MAD1L1: variants seen among roughly 807,000 people sequenced by gnomAD.
The protein encoded by MAD1L1 is mitotic spindle assembly checkpoint protein MAD1.
In MAD1L1, 95 loss-of-function variants were observed where a neutral mutation model predicts 96.9. That is an observed-to-expected ratio of 0.98 (90% confidence interval 0.83 to 1.16). The LOEUF is 1.16. MAD1L1 is among the 50% of genes most tolerant of loss of function. The probability of loss-of-function intolerance (pLI) is 0.00; values close to 1 mark genes in which losing one functional copy is unlikely to be tolerated. For synonymous variants in MAD1L1, 473 were observed against 396.6 expected, an observed-to-expected ratio of 1.19 and a Z score of -2.29; for missense variants, 1,007 against 954.4, an observed-to-expected ratio of 1.06 and a Z score of -0.73.
chr7:2,063,601 G>C (rs886632555), intron 12 of MAD1L1, among the ~76,000 whole-genome samples: 1 of 152,222 alleles, frequency 6.6e-6, no homozygotes, highest in Non-Finnish European at 1.5e-5. Context: ...CATGCATCAG[G>C]TGTGTCTCCA....
chr7:2,203,022 G>A (rs1195743316), intron 10 of MAD1L1, among the ~76,000 whole-genome samples: 2 of 152,224 alleles, frequency 1.3e-5, no homozygotes, highest in Non-Finnish European at 2.9e-5. Context: ...AGCCAGCAAT[G>A]CCCGCCTCCC....
intron 10 of MAD1L1, among the ~76,000 whole-genome samples, chr7:2,191,691 A>C (rs2128606891): frequency 6.6e-6 from 1 of 152,244 alleles, no homozygotes; most frequent in Middle Eastern, 3.4e-3. Context: ...TGATTGTGCC[A>C]CTACACTCCA....
chr7:2,006,886 A>AC (rs1317156326), intron 13 of MAD1L1, among the ~76,000 whole-genome samples: 1 of 151,690 alleles, frequency 6.6e-6, no homozygotes, highest in African/African-American at 2.4e-5. Context: ...GCACAGACAC[A>AC]CCCCCCACCT....
intron 18 of MAD1L1, among the ~76,000 whole-genome samples, chr7:1,844,667 G>T (rs1000567940): frequency 2.6e-5 from 4 of 152,322 alleles, no homozygotes; most frequent in Admixed American, 6.5e-5. Context: ...CCAGGGCCCA[G>T]CACTCCTTTC....
intron 14 of MAD1L1, among the ~76,000 whole-genome samples, chr7:2,001,469 C>A (rs977976972): frequency 2.6e-5 from 4 of 152,262 alleles, no homozygotes; most frequent in Non-Finnish European, 5.9e-5. Context: ...CCTGCCTGGT[C>A]CCCCACGGGC....
At chr7:2,057,826 C>A (rs1055977375) in intron 12 of MAD1L1, among the ~76,000 whole-genome samples, 8 of 152,206 alleles carry the variant, frequency 5.3e-5, no homozygotes, top group Non-Finnish European at 1.2e-4. Context: ...GAGTATCACA[C>A]AGAACATCTA....
intron 18 of MAD1L1, among the ~76,000 whole-genome samples, chr7:1,877,910 A>C (rs892728024): frequency 4.6e-5 from 7 of 152,188 alleles, no homozygotes; most frequent in African/African-American, 1.4e-4. Context: ...ACAGATCTGA[A>C]AGGAGAGAGA....
At chr7:1,939,384 G>A (rs1778829899) in intron 16 of MAD1L1, among the ~76,000 whole-genome samples, 1 of 152,234 alleles carries the variant, frequency 6.6e-6, no homozygotes, top group Non-Finnish European at 1.5e-5. Flanking sequence ...ACACACACGG[G>A]CCAGGGCTCC....
chr7:1,846,174 G>C (rs2128636578), intron 18 of MAD1L1: 1 of 152,718 alleles, frequency 6.5e-6, no homozygotes, highest in Admixed American at 6.5e-5. Context: ...AACCTTCCAG[G>C]GCCAGTCTCC....
intron 18 of MAD1L1, among the ~76,000 whole-genome samples, chr7:1,822,727 ATTTT>A (rs146496198): frequency 3.0e-5 from 4 of 134,552 alleles, no homozygotes; most frequent in Non-Finnish European, 3.2e-5. Context: ...CCCGGCCAGC[ATTTT>A]TTTTTTTTTT....
Position 1,888,448 on chromosome 7 carries a change from G to C in MAD1L1, c.1998+9752C>G, listed in dbSNP as rs575855164. Among the ~76,000 whole-genome samples the C allele has an allele frequency of 5.7e-4, 80 of 141,370 alleles. 1 individual carries two copies. The highest frequency in any genetic ancestry group is 1.8e-3 in the African/African-American group (71 of 40,182). The allele number at this position is 141,370 out of a possible 152,430, so 92.7% of individuals were successfully genotyped here. The stretch of plus-strand genomic sequence containing the variant: ...CATGCATGTGGCTGCCTGTACATGT[G>C]TGTGCACGCATGTATGTGGCTGCCT... On this transcript the variant is annotated intron_variant, in intron 18 of 18. Coordinates refer to ENST00000265854, the MANE Select transcript of MAD1L1 (RefSeq NM_001013836.2).
Position 2,218,063 on chromosome 7 carries a change from T to TCA in MAD1L1, c.597-22_597-21dup. ...CATTTTCTATTGAAAGAAAAATACA[T>TCA]CACACACAGAAACAGGCATGCGGCA... On this transcript the variant is annotated intron_variant, in intron 6 of 18. Coordinates refer to ENST00000265854, the MANE Select transcript of MAD1L1 (RefSeq NM_001013836.2). 1 of 1,593,278 alleles carries TCA rather than the reference T, an allele frequency of 6.3e-7. No individual in the cohort carries two copies. Among genetic ancestry groups the TCA allele is most frequent in the Non-Finnish European group, 8.6e-7 (1 of 1,161,140 alleles).
rs74605141 is a variant in MAD1L1 at position 2,165,612 on chromosome 7, G to A, written c.987-16374C>T. On this transcript the variant is annotated intron_variant, in intron 10 of 18. Coordinates refer to ENST00000265854, the MANE Select transcript of MAD1L1 (RefSeq NM_001013836.2). ...TGGTCCAGGGGAGAGGGGACTCTGCGCCGTGTTTCACTAAACCAAGGTGGT... is the reference window on the plus strand; with the variant it reads ...TGGTCCAGGGGAGAGGGGACTCTGCACCGTGTTTCACTAAACCAAGGTGGT... 2.0e-4 allele frequency among the ~76,000 whole-genome samples: 27 copies of A among 137,298 alleles called. 1 individual carries two copies. The East Asian group carries it at 2.3e-3, about 12-fold the overall frequency. The allele number at this position is 137,298 out of a possible 152,430, so 90.1% of individuals were successfully genotyped here. A position where few individuals can be genotyped will look rare whatever the true frequency, so the allele number is the denominator to read the frequency against.
At chr7:1,870,941 T>TGCTGAACCCACCGTAACACCTGCCAC (rs1562476079) in intron 18 of MAD1L1, among the ~76,000 whole-genome samples, 887 of 36,952 alleles carry the variant, frequency 0.024, 9 homozygotes, top group Non-Finnish European at 0.034. Context: ...ACGCCTGCCA[T>TGCTGAACCCACCGTAACACCTGCCAC]GCTGAACCCA....
intron 6 of MAD1L1, 139 bp from the exon 7 acceptor site, chr7:2,218,182 A>AC (rs1426105490): frequency 8.6e-5 from 55 of 639,780 alleles, no homozygotes; most frequent in Middle Eastern, 3.5e-4. Context: ...CACGGCACAG[A>AC]CCCCCCGCCC....
intron 12 of MAD1L1, among the ~76,000 whole-genome samples, chr7:2,038,992 C>A (rs1783563331): frequency 6.6e-6 from 1 of 152,316 alleles, no homozygotes; most frequent in Non-Finnish European, 1.5e-5. Context: ...CATTTCATCA[C>A]CACAAAAACC....
At chr7:1,853,188 T>C (rs572745228) in intron 18 of MAD1L1, among the ~76,000 whole-genome samples, 1 of 152,268 alleles carries the variant, frequency 6.6e-6, no homozygotes, top group South Asian at 2.1e-4. Context: ...GCGGATGTCA[T>C]CTCAGTCCAC....
intron 17 of MAD1L1, among the ~76,000 whole-genome samples, chr7:1,922,029 G>A (rs1788822524): frequency 6.6e-6 from 1 of 152,218 alleles, no homozygotes. Flanking sequence ...TTCAGGTTCT[G>A]GGAAAGATGA....
rs375360701 is a variant in MAD1L1 at position 1,957,685 on chromosome 7, G to A, written c.1540C>T (p.Arg514Trp). 1.6e-4 allele frequency: 261 copies of A among 1,613,968 alleles called. 2 individuals carry two copies. Among genetic ancestry groups the A allele is most frequent in the Admixed American group, 9.7e-4 (58 of 60,010 alleles). ...KVEELEGERS[R>W]LEEEKRMLEA... ...AGCATCCTCTTTTCCTCCTCCAGCCGACTCCGCTCGCCTTCCAGCTCCTCG... is the reference window on the plus strand; with the variant it reads ...AGCATCCTCTTTTCCTCCTCCAGCCAACTCCGCTCGCCTTCCAGCTCCTCG... The change falls in exon 16 of 19, where the codon CGG becomes TGG. Residue 514 changes from arginine to tryptophan, a missense_variant. Coordinates refer to ENST00000265854, the MANE Select transcript of MAD1L1 (RefSeq NM_001013836.2).
Sources: allele counts gnomAD v4.1 joint callset (sites outside exome capture counted in the v4.1 genomes callset), GRCh38; gene constraint gnomAD v4.1.1; transcripts MANE v1.5; gene names NCBI Gene and HGNC (gene_info 2026-07-23, HGNC 2026-07-21).